Variants in GPATCH2L observed in about 807,000 individuals in gnomAD.
GPATCH2L encodes the protein G-patch domain containing 2 like.
In GPATCH2L, 31 loss-of-function variants were observed where a neutral mutation model predicts 57.4. The observed-to-expected ratio is 0.54, with a 90% CI of 0.41 to 0.73. The LOEUF is 0.73. GPATCH2L is among the 30% of genes least tolerant of loss of function. The pLI, the probability that GPATCH2L is intolerant of heterozygous loss-of-function variation, is 0.00. For missense variants in GPATCH2L, 481 were observed against 599.9 expected, an observed-to-expected ratio of 0.80 and a Z score of 2.07; for synonymous variants, 199 against 210.7, an observed-to-expected ratio of 0.94 and a Z score of 0.48.
At chr14:76,175,015 C>T (rs908274737) in intron 5 of GPATCH2L, 1 of 152,182 alleles carries the variant, frequency 6.6e-6, no homozygotes, top group Non-Finnish European at 1.5e-5. Flanking sequence ...ACAGACAAAA[C>T]GCTGCTTTTT....
chr14:76,193,242 CTG>C (rs1387034832), intron 8 of GPATCH2L, among the ~76,000 whole-genome samples: 2 of 151,848 alleles, frequency 1.3e-5, no homozygotes, highest in African/African-American at 2.4e-5. Context: ...CAAAATGACA[CTG>C]TCATTCCTCG....
At chr14:76,182,924 C>T (rs1349342188) in intron 8 of GPATCH2L, among the ~76,000 whole-genome samples, 1 of 152,202 alleles carries the variant, frequency 6.6e-6, no homozygotes, top group African/African-American at 2.4e-5. Context: ...CATAGGAAAA[C>T]AGTCCTTTAG....
intron 7 of GPATCH2L, 67 bp from the exon 8 acceptor site, chr14:76,180,696 AG>A (rs2039527753): frequency 2.1e-6 from 2 of 964,456 alleles, no homozygotes; most frequent in African/African-American, 1.6e-5. Context: ...AATCAAATGT[AG>A]GTTACCCTTT....
At chr14:76,179,827 A>G (rs1265751034) in intron 7 of GPATCH2L, 5 of 152,122 alleles carry the variant, frequency 3.3e-5, no homozygotes, top group Non-Finnish European at 7.3e-5. Flanking sequence ...TGTTTTGCAG[A>G]TGAGAAACTG....
chr14:76,167,928 T>A (rs1341391785), intron 3 of GPATCH2L, among the ~76,000 whole-genome samples: 1 of 152,226 alleles, frequency 6.6e-6, no homozygotes, highest in Admixed American at 6.5e-5. Context: ...CTATGATGCA[T>A]AAGTATAGAG....
At chr14:76,199,893 A>G (rs1374472463) in intron 9 of GPATCH2L, among the ~76,000 whole-genome samples, 1 of 152,220 alleles carries the variant, frequency 6.6e-6, no homozygotes, top group Non-Finnish European at 1.5e-5. Context: ...CATTATTCAC[A>G]GTCGTCAAGG....
At chr14:76,187,144 T>C (rs979600767) in intron 8 of GPATCH2L, among the ~76,000 whole-genome samples, 1 of 151,996 alleles carries the variant, frequency 6.6e-6, no homozygotes, top group African/African-American at 2.4e-5. Flanking sequence ...CAGTAAACCT[T>C]AAAGGTAAAA....
intron 8 of GPATCH2L, among the ~76,000 whole-genome samples, chr14:76,191,264 T>C (rs1374098407): frequency 6.6e-6 from 1 of 152,128 alleles, no homozygotes; most frequent in East Asian, 1.9e-4. Flanking sequence ...CAAGTGGTTG[T>C]TAAGTACCCC....
downstream of GPATCH2L, among the ~76,000 whole-genome samples, chr14:76,216,554 A>G (rs2040490719): frequency 6.6e-6 from 1 of 151,470 alleles, no homozygotes; most frequent in Non-Finnish European, 1.5e-5. Context: ...GGGAAATAGA[A>G]TGCTTGATTA....
At position 76,176,508 on chromosome 14, in the gene GPATCH2L, A is replaced by G. The variant is rs1054155401; in HGVS notation, c.985-115A>G. Reference sequence around the variant, plus strand: ...CTGTTTTATTTTAAGATTGACTTTTAACATGTGCCTTTTGAGGTTGCCTTA... The same window carrying G: ...CTGTTTTATTTTAAGATTGACTTTTGACATGTGCCTTTTGAGGTTGCCTTA... On this transcript the variant is annotated intron_variant, in intron 5 of 9. Coordinates refer to ENST00000261530, the MANE Select transcript of GPATCH2L (RefSeq NM_017926.4). The G allele has an allele frequency of 5.6e-6, 4 of 719,052 alleles. No homozygotes were observed. The Middle Eastern group carries it at 9.7e-4, about 174-fold the overall frequency. 44.5% of individuals were successfully genotyped at this position (719,052 alleles called of 1,614,324 possible).
chr14:76,176,670 T>C lies in GPATCH2L; in HGVS notation c.1032T>C (p.Ile344=). 1.3e-5 allele frequency: 21 copies of C among 1,609,792 alleles called. No homozygotes were observed. The highest frequency in any genetic ancestry group is 1.7e-5 in the Non-Finnish European group (20 of 1,176,080). Residue 344 remains isoleucine (I), a synonymous_variant, in exon 6 of 10, where the codon ATT becomes ATC. Transcript: ENST00000261530. Reference sequence around the variant, plus strand: ...GGACTGAGAGGATAAGCCATATCATTAGTGACCCTCGGCAGAAAGAGTAAG... The same window carrying C: ...GGACTGAGAGGATAAGCCATATCATCAGTGACCCTCGGCAGAAAGAGTAAG... The part of the protein sequence containing the change: ...TLGTERISHI[I]SDPRQKEKNK...
At chr14:76,152,242 C>T (rs2038077354) in intron 1 of GPATCH2L, among the ~76,000 whole-genome samples, 1 of 152,250 alleles carries the variant, frequency 6.6e-6, no homozygotes, top group Admixed American at 6.5e-5. Flanking sequence ...CGGGCTGCAG[C>T]CTGAGGGCTT....
downstream of GPATCH2L, among the ~76,000 whole-genome samples, chr14:76,219,099 A>G (rs1000879784): frequency 9.2e-5 from 14 of 152,100 alleles, no homozygotes; most frequent in Non-Finnish European, 4.4e-5. Flanking sequence ...ATAAAAGAAA[A>G]GATTGCTGGA....
intron 1 of GPATCH2L, among the ~76,000 whole-genome samples, chr14:76,228,457 T>A (rs887721382): frequency 6.6e-6 from 1 of 152,276 alleles, no homozygotes; most frequent in East Asian, 1.9e-4. Flanking sequence ...CTTTCCGCAT[T>A]GTGCCAGGGG....
chr14:76,177,450 T>C (rs2039375838), intron 6 of GPATCH2L, among the ~76,000 whole-genome samples: 2 of 151,900 alleles, frequency 1.3e-5, no homozygotes, highest in African/African-American at 2.4e-5. Flanking sequence ...CCTTGTCCCC[T>C]AAAATGGTTG....
At chr14:76,156,992 CTT>C (rs761197376) in intron 2 of GPATCH2L, among the ~76,000 whole-genome samples, 8 of 152,210 alleles carry the variant, frequency 5.3e-5, no homozygotes, top group African/African-American at 9.7e-5. Flanking sequence ...AATTCTTACT[CTT>C]TTCAAATTGA....
intron 9 of GPATCH2L, 91 bp from the exon 10 acceptor site, chr14:76,201,600 A>AT (rs2040311524): frequency 6.9e-6 from 7 of 1,012,686 alleles, no homozygotes; most frequent in Non-Finnish European, 9.7e-6. Context: ...GATTAAGAAA[A>AT]TTTTTTTTCT....
At chr14:76,188,783 C>T (rs1006491562) in intron 8 of GPATCH2L, among the ~76,000 whole-genome samples, 5 of 152,004 alleles carry the variant, frequency 3.3e-5, no homozygotes, top group African/African-American at 9.7e-5. Flanking sequence ...TTTGCCCAGA[C>T]GAATGTCCTG....
intron 2 of GPATCH2L, among the ~76,000 whole-genome samples, chr14:76,165,475 A>G (rs1566778451): frequency 6.7e-6 from 1 of 148,714 alleles, no homozygotes; most frequent in Non-Finnish European, 1.5e-5. Flanking sequence ...CTGGGCAATG[A>G]GCGAAACTCC....
Sources: allele counts gnomAD v4.1 joint callset (sites outside exome capture counted in the v4.1 genomes callset), GRCh38; gene constraint gnomAD v4.1.1; transcripts MANE v1.5; gene names NCBI Gene and HGNC (gene_info 2026-07-23, HGNC 2026-07-21).